PTCHD4: variants seen among roughly 807,000 people sequenced by gnomAD.
The protein encoded by PTCHD4 is patched domain-containing protein 4.
Under a neutral mutation model 58.1 loss-of-function variants are expected in PTCHD4, and 33 were observed. The observed-to-expected ratio is 0.57, with a 90% CI of 0.43 to 0.76. PTCHD4 has a LOEUF of 0.76. Ranked by LOEUF, PTCHD4 falls within the 30% of genes least tolerant of loss-of-function variation. The probability of loss-of-function intolerance (pLI) is 0.00; values close to 1 mark genes in which losing one functional copy is unlikely to be tolerated. For missense variants in PTCHD4, 1,058 were observed against 1,027.1 expected (o/e 1.03, Z -0.41); for synonymous variants, 478 against 409.6 (o/e 1.17, Z -2.02).
At chr6:48,071,688 A>G (rs1031459444) in intron 1 of PTCHD4, among the ~76,000 whole-genome samples, 12 of 152,172 alleles carry the variant, frequency 7.9e-5, no homozygotes, top group Non-Finnish European at 4.4e-5. Context: ...ATGAGTTCAT[A>G]CTTTATTTAC....
At chr6:47,937,366 C>T (rs192699759) in intron 4 of PTCHD4, among the ~76,000 whole-genome samples, 145 of 152,112 alleles carry the variant, frequency 9.5e-4, no homozygotes, top group African/African-American at 3.3e-3. Flanking sequence ...GGTGTGGCCA[C>T]GTTTTGAAGA....
intron 1 of PTCHD4, among the ~76,000 whole-genome samples, chr6:48,073,508 A>G (rs1044958762): frequency 6.6e-6 from 1 of 152,244 alleles, no homozygotes; most frequent in African/African-American, 2.4e-5. Context: ...ATGCTCTAAT[A>G]CTACCAATTC....
intron 4 of PTCHD4, among the ~76,000 whole-genome samples, chr6:47,924,821 C>T (rs926978751): frequency 7.9e-5 from 12 of 152,084 alleles, no homozygotes; most frequent in South Asian, 2.1e-4. Flanking sequence ...ATTCAAGCCT[C>T]TGATCAAATG....
At position 47,959,868 on chromosome 6, in the gene PTCHD4, G is replaced by GA. The variant is rs369236237; in HGVS notation, c.898+48765dup. Among the ~76,000 whole-genome samples, 123 of 129,738 alleles carry GA rather than the reference G, an allele frequency of 9.5e-4. 1 individual carries two copies. The highest frequency in any genetic ancestry group is 9.1e-3 in the East Asian group (39 of 4,292). The allele number at this position is 129,738 out of a possible 152,430, so 85.1% of individuals were successfully genotyped here. On this transcript the variant is annotated intron_variant, in intron 4 of 4. Transcript: ENST00000339488. ...AATGTTAAAAGGAGTCTTCCAAATAGAAAAAAAAAAAGATGAAAATATCGT... is the reference window on the plus strand; with the variant it reads ...AATGTTAAAAGGAGTCTTCCAAATAGAAAAAAAAAAAAGATGAAAATATCGT...
intron 3 of PTCHD4, among the ~76,000 whole-genome samples, chr6:48,016,674 G>T (rs1762879700): frequency 6.6e-6 from 1 of 151,932 alleles, no homozygotes; most frequent in Non-Finnish European, 1.5e-5. Flanking sequence ...TTTAGTTTCA[G>T]GTTACTGTTC....
intron 1 of PTCHD4, among the ~76,000 whole-genome samples, chr6:48,082,669 C>T (rs6922920): frequency 0.17 from 25,453 of 152,032 alleles, 2,269 homozygotes; most frequent in African/African-American, 0.23. Flanking sequence ...ACAATATTTA[C>T]AGAGCTTGAT....
At chr6:48,040,341 C>T (rs949039588) in intron 3 of PTCHD4, among the ~76,000 whole-genome samples, 4 of 152,008 alleles carry the variant, frequency 2.6e-5, no homozygotes, top group African/African-American at 9.7e-5. Flanking sequence ...AAGTGTTCAT[C>T]CTAACTTTTT....
At chr6:48,022,628 C>T (rs995299209) in intron 3 of PTCHD4, among the ~76,000 whole-genome samples, 1 of 152,054 alleles carries the variant, frequency 6.6e-6, no homozygotes, top group African/African-American at 2.4e-5. Context: ...AACAGCTTAC[C>T]TTTGCAAGAG....
intron 3 of PTCHD4, among the ~76,000 whole-genome samples, chr6:48,027,480 A>G (rs561072728): frequency 6.6e-6 from 1 of 152,288 alleles, no homozygotes; most frequent in African/African-American, 2.4e-5. Flanking sequence ...GATGATGGGT[A>G]GCTTTGTGTA....
chr6:48,013,375 G>GTTTTTT (rs5876042), intron 3 of PTCHD4, among the ~76,000 whole-genome samples: 1 of 145,370 alleles, frequency 6.9e-6, no homozygotes. Context: ...TTTCAGTTGA[G>GTTTTTT]TTTTTTTTTT....
At chr6:48,007,936 G>GCGCACACA (rs935818683) in intron 4 of PTCHD4, among the ~76,000 whole-genome samples, 3 of 150,242 alleles carry the variant, frequency 2.0e-5, no homozygotes, top group African/African-American at 7.3e-5. Context: ...GTGCGCGCGC[G>GCGCACACA]CACACACACA....
intron 4 of PTCHD4, among the ~76,000 whole-genome samples, chr6:48,002,816 A>G (rs944098852): frequency 1.1e-4 from 17 of 151,920 alleles, no homozygotes; most frequent in African/African-American, 4.1e-4. Flanking sequence ...ATTCCCTCCA[A>G]TCTGTATTGA....
chr6:48,101,595 T>A (rs1037790601), intron 1 of PTCHD4, among the ~76,000 whole-genome samples: 38 of 152,224 alleles, frequency 2.5e-4, no homozygotes, highest in African/African-American at 9.2e-4. Flanking sequence ...TCTTCCCCTT[T>A]TCCCTGTTCA....
intron 3 of PTCHD4, among the ~76,000 whole-genome samples, chr6:48,023,013 T>C (rs1763119880): frequency 6.6e-6 from 1 of 151,952 alleles, no homozygotes. Flanking sequence ...TGTAGGAGAG[T>C]AGTGACCCAA....
rs1176953913 is a variant in PTCHD4, at chr6:47,879,879, T to G, written c.956A>C (p.Asn319Thr). The change falls in exon 5 of 5, where the codon AAC becomes ACC. Residue 319 changes from asparagine (N) to threonine (T), a missense_variant. Transcript: ENST00000339488. ...TGCTATCCTGTCTTTGAAGGGCAAGTTCTCTTTGGTTCTCCGCCATCCGGA... is the reference window on the plus strand; with the variant it reads ...TGCTATCCTGTCTTTGAAGGGCAAGGTCTCTTTGGTTCTCCGCCATCCGGA... ...LLSGWRRTKENLPFKDRIADA... is the reference protein window; with the variant it reads ...LLSGWRRTKETLPFKDRIADA... The G allele has an allele frequency of 6.3e-7, 1 of 1,589,998 alleles. No individual in the cohort carries two copies. Among genetic ancestry groups the G allele is most frequent in the African/African-American group, 1.3e-5 (1 of 74,486 alleles).
rs1383263045 is a variant in PTCHD4, at chr6:47,857,992, C to G, written c.*20311G>C. 6.6e-6 allele frequency among the ~76,000 whole-genome samples: 1 copy of G among 151,920 alleles called. No individual in the cohort carries two copies. Among genetic ancestry groups the G allele is most frequent in the East Asian group, 1.9e-4 (1 of 5,160 alleles). On this transcript the variant is annotated 3_prime_UTR_variant, in exon 5 of 5. Coordinates refer to ENST00000339488, the MANE Select transcript of PTCHD4 (RefSeq NM_001384253.1). ...ATTTGTTTCACATCTCAAACCCAAACCCCAAACACAAACATTTCTGAAACG... is the reference window on the plus strand; with the variant it reads ...ATTTGTTTCACATCTCAAACCCAAAGCCCAAACACAAACATTTCTGAAACG...
In PTCHD4 at chr6:47,918,244, A is replaced by G. The variant is rs4142119; in HGVS notation, c.899-38308T>C. Among the ~76,000 whole-genome samples, 72 of 152,302 alleles carry G rather than the reference A, an allele frequency of 4.7e-4. 1 individual carries two copies. In the East Asian group the frequency reaches 0.013, roughly 28 times the overall value. On this transcript the variant is annotated intron_variant, in intron 4 of 4. Transcript: ENST00000339488. ...ATATTACTGTATTTCTAAGAACAAGAATAGCTAAATCAATGGAAATGCTAT... is the reference window on the plus strand; with the variant it reads ...ATATTACTGTATTTCTAAGAACAAGGATAGCTAAATCAATGGAAATGCTAT...
At chr6:48,088,928 C>T (rs1211422716) in intron 1 of PTCHD4, among the ~76,000 whole-genome samples, 2 of 152,074 alleles carry the variant, frequency 1.3e-5, no homozygotes, top group Non-Finnish European at 2.9e-5. Context: ...GCCTGTAATG[C>T]AGGTTACTCA....
intron 4 of PTCHD4, among the ~76,000 whole-genome samples, chr6:47,919,790 C>A (rs1765375217): frequency 6.6e-6 from 1 of 152,054 alleles, no homozygotes; most frequent in Non-Finnish European, 1.5e-5. Context: ...ATATGTCTAA[C>A]AAAAACAATT....
Sources: gnomAD v4.1 joint callset for allele counts (sites outside exome capture counted in the v4.1 genomes callset) on GRCh38, gnomAD v4.1.1 for gene constraint, MANE v1.5 for transcripts, NCBI Gene and HGNC (gene_info 2026-07-23, HGNC 2026-07-21) for gene names.